SLC48A1: variants seen among roughly 807,000 people sequenced by gnomAD.
SLC48A1 encodes solute carrier family 48 member 1, also known as heme transporter HRG1.
Under a neutral mutation model 14.8 loss-of-function variants are expected in SLC48A1, and 6 were observed. The ratio of observed to expected loss-of-function variants is 0.41; its 90% CI spans 0.22 to 0.80. The LOEUF (loss-of-function observed/expected upper bound fraction) is 0.80. Among genes scored for constraint, SLC48A1 ranks in the 30% least tolerant of loss-of-function variants. The probability of loss-of-function intolerance (pLI) is 0.34; values close to 1 mark genes in which losing one functional copy is unlikely to be tolerated. For missense variants in SLC48A1, 165 were observed against 204.8 expected (o/e 0.81, Z 1.19); for synonymous variants, 89 against 90.0 (o/e 0.99, Z 0.06).
At chr12:47,772,125 C>CA (rs1479101272), upstream of SLC48A1, 29 of 154,506 alleles carry the variant, frequency 1.9e-4, no homozygotes, top group Non-Finnish European at 3.5e-4. Flanking sequence ...GCAGCACACA[C>CA]ACAAAAAAAA....
upstream of SLC48A1, among the ~76,000 whole-genome samples, chr12:47,767,571 A>G (rs371527348): frequency 2.0e-5 from 3 of 152,200 alleles, no homozygotes; most frequent in East Asian, 5.8e-4. Context: ...CGAGTCAGTT[A>G]CCCTGCCTTC....
chr12:47,771,578 T>A (rs1227323412), upstream of SLC48A1: 1 of 152,196 alleles, frequency 6.6e-6, no homozygotes, highest in Non-Finnish European at 1.5e-5. Context: ...ATCACAGGGG[T>A]CCTTAGAAGG....
chr12:47,773,151 G>GGGCGCTGTGCGGGC (rs1051506954), upstream of SLC48A1: 1 of 974,660 alleles, frequency 1.0e-6, no homozygotes, highest in Non-Finnish European at 1.2e-6. Context: ...CGGCCGGGGA[G>GGGCGCTGTGCGGGC]GGCGCTGTGC....
intron 2 of SLC48A1, among the ~76,000 whole-genome samples, chr12:47,762,782 A>T (rs184964251): frequency 1.5e-3 from 221 of 152,112 alleles, no homozygotes; most frequent in Non-Finnish European, 2.5e-3. Context: ...GTGCACTGCT[A>T]CCTCCTGCCC....
intron 2 of SLC48A1, among the ~76,000 whole-genome samples, chr12:47,779,419 C>G (rs1020544370): frequency 6.6e-6 from 1 of 152,154 alleles, no homozygotes; most frequent in African/African-American, 2.4e-5. Context: ...AGTGCATAGC[C>G]CATACAAGCA....
At chr12:47,754,454 T>C (rs1194595875), upstream of SLC48A1, among the ~76,000 whole-genome samples, 1 of 152,226 alleles carries the variant, frequency 6.6e-6, no homozygotes, top group Non-Finnish European at 1.5e-5. Flanking sequence ...TGGTCAAGTG[T>C]GTAGGCTCTG....
rs1942889646 is a variant in SLC48A1, at chr12:47,781,900, C to T, written c.*1619C>T. 6.5e-6 allele frequency: 1 copy of T among 152,690 alleles called. No homozygotes were observed. The highest frequency in any genetic ancestry group is 1.5e-5 in the Non-Finnish European group (1 of 68,390). The allele number at this position is 152,690 out of a possible 1,614,324, so 9.5% of individuals were successfully genotyped here. A position where few individuals can be genotyped will look rare whatever the true frequency, so the allele number is the denominator to read the frequency against. Reference sequence around the variant, plus strand: ...TAACCACCAGCTCAGCTCTCCTCCTCCAGCTTTCCTCTCTCTAGCACACCC... The same window carrying T: ...TAACCACCAGCTCAGCTCTCCTCCTTCAGCTTTCCTCTCTCTAGCACACCC... On this transcript the variant is annotated 3_prime_UTR_variant, in exon 3 of 3. Transcript: ENST00000442218.
upstream of SLC48A1, among the ~76,000 whole-genome samples, chr12:47,768,278 T>C (rs1449209640): frequency 4.6e-5 from 7 of 152,046 alleles, no homozygotes; most frequent in Admixed American, 4.6e-4. Context: ...CACCCGGCCA[T>C]GGCTATTATT....
upstream of SLC48A1, chr12:47,768,566 C>A (rs1942565197): frequency 6.6e-6 from 1 of 152,216 alleles, no homozygotes; most frequent in African/African-American, 2.4e-5. Context: ...CATCAGAGGT[C>A]TCTCTGCATG....
intron 1 of SLC48A1, among the ~76,000 whole-genome samples, 160 bp downstream of exon 1, chr12:47,773,600 G>A (rs1326668453): frequency 6.6e-6 from 1 of 151,924 alleles, no homozygotes; most frequent in African/African-American, 2.4e-5. Flanking sequence ...ACGCGGGCCC[G>A]GGCTCCTGGG....
chr12:47,758,315 C>T (rs1435859749), upstream of SLC48A1: 2 of 1,434,626 alleles, frequency 1.4e-6, no homozygotes, highest in South Asian at 1.5e-5. Flanking sequence ...CCTTCTTAGT[C>T]CTCTTTGGAA....
chr12:47,766,700 C>T (rs957036322), upstream of SLC48A1, among the ~76,000 whole-genome samples: 2 of 152,128 alleles, frequency 1.3e-5, no homozygotes, highest in Non-Finnish European at 2.9e-5. Flanking sequence ...TTTCTTAGCT[C>T]CTGAGTTCAA....
upstream of SLC48A1, chr12:47,758,522 C>G (rs753141643): frequency 8.1e-6 from 13 of 1,612,378 alleles, no homozygotes; most frequent in South Asian, 1.4e-4. Context: ...TCTCCTGCTC[C>G]TCCTCAACCC....
intron 1 of SLC48A1, chr12:47,758,744 T>A: frequency 2.6e-6 from 3 of 1,149,004 alleles, no homozygotes; most frequent in Non-Finnish European, 3.2e-6. Context: ...GTGGAGAGGC[T>A]CCTCTTGGGT....
In SLC48A1 at chr12:47,773,485, G is replaced by T; in HGVS notation, c.136+45G>T. ...GGCGCGGGGCGGGTGCGCGGCTGCG[G>T]GGCGGGCGCCGTCAGCTGCTCCAGG... On this transcript the variant is annotated intron_variant, in intron 1 of 2. Transcript: ENST00000442218. 4 of 1,288,896 alleles carry T rather than the reference G, an allele frequency of 3.1e-6. No individual in the cohort carries two copies. In the South Asian group the frequency reaches 9.1e-5, roughly 29 times the overall value. 79.8% of individuals were successfully genotyped at this position (1,288,896 alleles called of 1,614,324 possible).
upstream of SLC48A1, chr12:47,771,041 G>A (rs1440116263): frequency 2.4e-6 from 1 of 415,096 alleles, no homozygotes; most frequent in Non-Finnish European, 4.9e-6. Flanking sequence ...TCCTAAAGGA[G>A]GGCTGCTGCT....
chr12:47,764,598 G>T (rs575022443), intron 2 of SLC48A1, among the ~76,000 whole-genome samples: 1 of 152,292 alleles, frequency 6.6e-6, no homozygotes, highest in South Asian at 2.1e-4. Context: ...CACTGGCTGG[G>T]GCAGGGGGAG....
upstream of SLC48A1, among the ~76,000 whole-genome samples, chr12:47,772,602 C>T (rs1255980219): frequency 6.6e-6 from 1 of 152,032 alleles, no homozygotes; most frequent in Non-Finnish European, 1.5e-5. Flanking sequence ...TTGCTTGAAT[C>T]CAGGTGTTGG....
intron 2 of SLC48A1, among the ~76,000 whole-genome samples, chr12:47,763,975 G>A (rs1295204064): frequency 6.6e-6 from 1 of 152,200 alleles, no homozygotes; most frequent in East Asian, 1.9e-4. Flanking sequence ...TGGGCTGGAG[G>A]GTAGGGACAG....
Sources: gnomAD v4.1 joint callset for allele counts (sites outside exome capture counted in the v4.1 genomes callset) on GRCh38, gnomAD v4.1.1 for gene constraint, MANE v1.5 for transcripts, NCBI Gene and HGNC (gene_info 2026-07-23, HGNC 2026-07-21) for gene names.